The following ZFHX3 variants were observed in gnomAD, a reference collection of about 807,000 sequenced individuals.
ZFHX3 encodes the protein zinc finger homeobox 3.
A neutral mutation model predicts 279.1 loss-of-function variants in ZFHX3; 42 were observed. The ratio of observed to expected loss-of-function variants is 0.15; its 90% CI spans 0.12 to 0.19. ZFHX3 has a LOEUF of 0.19. Ranked by LOEUF, ZFHX3 falls within the 10% of genes least tolerant of loss-of-function variation. The pLI, the probability that ZFHX3 is intolerant of heterozygous loss-of-function variation, is 1.00. For synonymous variants in ZFHX3, 2,293 were observed against 1,957.8 expected (o/e 1.17, Z -4.52); for missense variants, 4,981 against 4,754.0 (o/e 1.05, Z -1.40).
chr16:73,692,077 A>C (rs1194805844), intron 1 of ZFHX3, among the ~76,000 whole-genome samples: 1 of 152,198 alleles, frequency 6.6e-6, no homozygotes, highest in Admixed American at 6.5e-5. Context: ...CTTTGTCTGA[A>C]ATCCTCCTCC....
chr16:72,875,486 G>A (rs2038285880), intron 4 of ZFHX3, among the ~76,000 whole-genome samples: 1 of 152,222 alleles, frequency 6.6e-6, no homozygotes, highest in Non-Finnish European at 1.5e-5. Flanking sequence ...GCCTGCTAGA[G>A]GCCAGATCAT....
intron 1 of ZFHX3, among the ~76,000 whole-genome samples, chr16:73,716,899 TA>T (rs2053421731): frequency 6.6e-6 from 1 of 152,112 alleles, no homozygotes; most frequent in African/African-American, 2.4e-5. Context: ...GCCCCGTCAT[TA>T]TTTTTTTTCA....
intron 1 of ZFHX3, among the ~76,000 whole-genome samples, chr16:73,723,109 C>G (rs1048029959): frequency 5.9e-5 from 9 of 152,186 alleles, no homozygotes; most frequent in Non-Finnish European, 1.5e-5. Context: ...CTACTTCAGA[C>G]AGATTACCTA....
At chr16:73,292,193 A>G (rs2143102379) in intron 4 of ZFHX3, among the ~76,000 whole-genome samples, 1 of 152,346 alleles carries the variant, frequency 6.6e-6, no homozygotes, top group South Asian at 2.1e-4. Flanking sequence ...GAAATTTATT[A>G]TTAACAAGAG....
At chr16:73,237,314 C>T (rs2012980375) in intron 5 of ZFHX3, among the ~76,000 whole-genome samples, 1 of 152,120 alleles carries the variant, frequency 6.6e-6, no homozygotes, top group Admixed American at 6.5e-5. Context: ...GGAGTGGTCA[C>T]AGCTCACTGC....
At chr16:73,775,248 G>A (rs1464965743) in intron 1 of ZFHX3, among the ~76,000 whole-genome samples, 1 of 152,184 alleles carries the variant, frequency 6.6e-6, no homozygotes, top group Non-Finnish European at 1.5e-5. Context: ...AGGTATGACT[G>A]AGAGGTCTCC....
chr16:73,236,992 C>T (rs2012969875), intron 5 of ZFHX3, among the ~76,000 whole-genome samples: 1 of 152,170 alleles, frequency 6.6e-6, no homozygotes, highest in South Asian at 2.1e-4. Context: ...CAGGGCTTTC[C>T]AATTTCCACG....
At chr16:73,202,855 C>T (rs1364451934) in intron 5 of ZFHX3, among the ~76,000 whole-genome samples, 1 of 151,986 alleles carries the variant, frequency 6.6e-6, no homozygotes, top group Non-Finnish European at 1.5e-5. Flanking sequence ...CCCAGCCCTC[C>T]TGCACACTCT....
At chr16:73,048,401 T>C (rs1003213027), upstream of ZFHX3, 1 of 151,366 alleles carries the variant, frequency 6.6e-6, no homozygotes, top group Admixed American at 6.6e-5. Context: ...CTGCGCTCGC[T>C]CCGCTTGGGG....
intron 3 of ZFHX3, among the ~76,000 whole-genome samples, chr16:73,387,839 A>C (rs548882372): frequency 6.6e-6 from 1 of 152,082 alleles, no homozygotes; most frequent in South Asian, 2.1e-4. Flanking sequence ...CACCCAGGAA[A>C]CTTCCATATG....
intron 1 of ZFHX3, among the ~76,000 whole-genome samples, chr16:73,860,963 C>G (rs890219986): frequency 2.0e-5 from 3 of 151,310 alleles, no homozygotes; most frequent in Admixed American, 2.0e-4. Flanking sequence ...GGAAATAACA[C>G]TGCTTGTATA....
chr16:73,890,112 G>A (rs1362584888), intron 1 of ZFHX3, among the ~76,000 whole-genome samples: 2 of 151,802 alleles, frequency 1.3e-5, no homozygotes, highest in South Asian at 2.1e-4. Flanking sequence ...GACAAGACTC[G>A]GAGAAAACTT....
chr16:73,468,925 A>G (rs546035223), intron 2 of ZFHX3, among the ~76,000 whole-genome samples: 1 of 152,234 alleles, frequency 6.6e-6, no homozygotes, highest in Non-Finnish European at 1.5e-5. Context: ...GATTGACTGC[A>G]TAATGAGGAG....
At chr16:73,078,938 C>A (rs1965914399) in intron 8 of ZFHX3, among the ~76,000 whole-genome samples, 1 of 152,150 alleles carries the variant, frequency 6.6e-6, no homozygotes, top group South Asian at 2.1e-4. Context: ...GCCACCGCGC[C>A]CGGCCCCTTT....
intron 7 of ZFHX3, among the ~76,000 whole-genome samples, chr16:73,100,028 C>T (rs920096406): frequency 2.0e-5 from 3 of 152,088 alleles, no homozygotes; most frequent in Non-Finnish European, 2.9e-5. Flanking sequence ...CACATGAGGA[C>T]AGGGTGGGGT....
intron 1 of ZFHX3, among the ~76,000 whole-genome samples, chr16:73,697,257 T>C (rs2053206158): frequency 6.6e-6 from 1 of 151,144 alleles, no homozygotes; most frequent in Non-Finnish European, 1.5e-5. Flanking sequence ...ATCTGGAAAG[T>C]AGAGATCATG....
chr16:73,528,190 A>G (rs1379728602), intron 2 of ZFHX3, among the ~76,000 whole-genome samples: 1 of 152,230 alleles, frequency 6.6e-6, no homozygotes, highest in Non-Finnish European at 1.5e-5. Flanking sequence ...TCGATGCATT[A>G]TCACTGTATT....
In ZFHX3 at chr16:73,772,762, TG is replaced by T. The variant is rs58873536; in HGVS notation, c.-1607-92523del. On this transcript the variant is annotated intron_variant, in intron 1 of 17. Coordinates refer to the ZFHX3 transcript ENST00000641206. ...CATTTGATTCTATAATAACTTCATA[TG>T]GGGGGTGTGTGTTTCTGAGCTATCT... Among the ~76,000 whole-genome samples, 18 of 152,236 alleles carry T rather than the reference TG, an allele frequency of 1.2e-4. No homozygotes were observed. The East Asian group carries it at 3.5e-3, about 29-fold the overall frequency.
intron 4 of ZFHX3, among the ~76,000 whole-genome samples, chr16:73,263,871 A>G: frequency 6.6e-6 from 1 of 152,184 alleles, no homozygotes; most frequent in East Asian, 1.9e-4. Context: ...TCCTATAAAA[A>G]TGAGAGCCCT....
Sources: allele counts gnomAD v4.1 joint callset (sites outside exome capture counted in the v4.1 genomes callset), GRCh38; gene constraint gnomAD v4.1.1; transcripts MANE v1.5; gene names NCBI Gene and HGNC (gene_info 2026-07-23, HGNC 2026-07-21).